UTP14A: variants seen among roughly 807,000 people sequenced by gnomAD.
UTP14A encodes the protein U3 small nucleolar RNA-associated protein 14 homolog A.
A neutral mutation model predicts 57.2 loss-of-function variants in UTP14A; 5 were observed. That is an observed-to-expected ratio of 0.09 (90% confidence interval 0.05 to 0.18). UTP14A has a LOEUF of 0.18. Ranked by LOEUF, UTP14A falls within the 10% of genes least tolerant of loss-of-function variation. UTP14A has a pLI of 1.00. For missense variants in UTP14A, 430 were observed against 562.1 expected, an observed-to-expected ratio of 0.76 and a Z score of 2.38; for synonymous variants, 169 against 210.9, an observed-to-expected ratio of 0.80 and a Z score of 1.72.
rs183364516 is a variant in UTP14A, at chrX:129,920,283, A to C, written c.753-174A>C. Among the ~76,000 whole-genome samples, 4 of 111,841 alleles carry C rather than the reference A, an allele frequency of 3.6e-5. No homozygotes were observed. The East Asian group carries it at 1.1e-3, about 31-fold the overall frequency. On this transcript the variant is annotated intron_variant, in intron 8 of 14. Coordinates refer to ENST00000394422, the MANE Select transcript of UTP14A (RefSeq NM_006649.4). ...GAGGTCCACCCTGAGGACTGTGGGT[A>C]CCAAGAATCTTGCCAGTCCTGTCAG...
intron 1 of UTP14A, among the ~76,000 whole-genome samples, chrX:129,907,095 C>A (rs1016297049): frequency 2.8e-5 from 3 of 108,909 alleles, no homozygotes; most frequent in Non-Finnish European, 5.7e-5. Context: ...AGTCAGGCAT[C>A]ACTCTTGGAG....
rs1269920175 is a variant in UTP14A, at chrX:129,911,778, G to T, written c.394G>T (p.Val132Leu). Residue 132 changes from valine to leucine, a missense_variant, in exon 6 of 15, where the codon GTA (valine) becomes TTA (leucine). Around this residue, in one of 4 missense-constraint regions of UTP14A, gnomAD observed 145 missense variants for 153.5 expected, o/e 0.94. Coordinates refer to ENST00000394422, the MANE Select transcript of UTP14A (RefSeq NM_006649.4). ...KEEIERIHREVAFNKTAQVLS... is the reference protein window; with the variant it reads ...KEEIERIHRELAFNKTAQVLS... ...TTGCCTGCTTCAGATCCACAGAGAA[G>T]TAGCATTCAATAAAACCGCACAAGT... is the stretch of plus-strand genomic sequence containing the variant. 1 of 1,211,092 alleles carries T rather than the reference G, an allele frequency of 8.3e-7. No individual in the cohort carries two copies. The highest frequency in any genetic ancestry group is 2.2e-5 in the Admixed American group (1 of 45,902).
At chrX:129,920,639 TA>T (rs1201851093) in intron 9 of UTP14A, 35 bp from the exon 10 acceptor site, 8 of 927,749 alleles carry the variant, frequency 8.6e-6, no homozygotes, top group Non-Finnish European at 1.2e-5. Flanking sequence ...TGGAAGGCAC[TA>T]AAGATGTAAA....
intron 14 of UTP14A, among the ~76,000 whole-genome samples, 154 bp from the exon 15 acceptor site, chrX:129,929,182 G>A (rs1930224925): frequency 9.0e-6 from 1 of 111,641 alleles, no homozygotes; most frequent in African/African-American, 3.3e-5. Flanking sequence ...GCAGATGGGA[G>A]CAATGGGACG....
intron 12 of UTP14A, 89 bp from the exon 13 acceptor site, chrX:129,925,830 G>A (rs1930084177): frequency 2.7e-6 from 3 of 1,101,611 alleles, no homozygotes; most frequent in Non-Finnish European, 2.5e-6. Flanking sequence ...CCTAGGGGGC[G>A]CTAAAATGTC....
chrX:129,921,992 A>G (rs780091141), intron 11 of UTP14A: 1 of 125,109 alleles, frequency 8.0e-6, no homozygotes, highest in East Asian at 2.4e-4. Context: ...CAATTTTGAG[A>G]CATTAGGAAA....
rs752994184 is a variant in UTP14A at position 129,921,502 on chromosome X, G to C, written c.1263G>C (p.Leu421Phe). The change falls in exon 11 of 15, where the codon TTG becomes TTC. Residue 421 changes from leucine (L) to phenylalanine (F), a missense_variant. Around this residue, in one of 4 missense-constraint regions of UTP14A, gnomAD observed 120 missense variants for 116.8 expected, o/e 1.03. Coordinates refer to ENST00000394422, the MANE Select transcript of UTP14A (RefSeq NM_006649.4). ...CAGTGGCAGAAGAAGAAATTTTGTT[G>C]AGAGAATTTGAGGAAAGGCGATCCC... ...ERPVAEEEIL[L>F]REFEERRSLR... 10 of 1,209,592 alleles carry C rather than the reference G, an allele frequency of 8.3e-6. No homozygotes were observed. The African/African-American group carries it at 1.8e-4, about 21-fold the overall frequency.
intron 2 of UTP14A, 142 bp from the exon 3 acceptor site, chrX:129,907,918 T>TGCACTCCATCCTGGGCA: frequency 1.9e-6 from 1 of 525,252 alleles, no homozygotes; most frequent in Non-Finnish European, 3.2e-6. Flanking sequence ...ATAACACCAC[T>TGCACTCCATCCTGGGCA]GCACTCCATC....
At chrX:129,921,638 T>C in intron 11 of UTP14A, 51 bp downstream of exon 11, 1 of 1,136,030 alleles carries the variant, frequency 8.8e-7, no homozygotes, top group Admixed American at 3.0e-5. Context: ...GTGGACAGAC[T>C]ATGGGAGAAA....
chrX:129,907,536 G>A, intron 2 of UTP14A, 94 bp downstream of exon 2: 1 of 774,574 alleles, frequency 1.3e-6, no homozygotes, highest in South Asian at 2.8e-5. Flanking sequence ...ATTTGTTCAG[G>A]TCTCTCAAAT....
chrX:129,924,510 C>T (rs1477511365), intron 11 of UTP14A, among the ~76,000 whole-genome samples: 2 of 109,209 alleles, frequency 1.8e-5, no homozygotes, highest in Admixed American at 9.8e-5. Flanking sequence ...TGGTCTCGAT[C>T]TCCTGACCTC....
chrX:129,928,429 G>A (rs1433600215), intron 14 of UTP14A, among the ~76,000 whole-genome samples: 3 of 100,353 alleles, frequency 3.0e-5, no homozygotes, highest in African/African-American at 3.7e-5. Context: ...TAAGTGTAAC[G>A]GCCTGGTAGA....
rs773809472 is a variant in UTP14A at position 129,920,771 on chromosome X, G to T, written c.954+19G>T. The T allele has an allele frequency of 5.8e-6, 7 of 1,209,850 alleles. No individual in the cohort carries two copies. In the East Asian group the frequency reaches 2.1e-4, roughly 36 times the overall value. The stretch of plus-strand genomic sequence containing the variant: ...CCTGGAGGTAAGAGACCCTTGGGGT[G>T]AGAGAAGATCTGGAATTGGAGGATG... On this transcript the variant is annotated intron_variant, in intron 10 of 14. Coordinates refer to ENST00000394422, the MANE Select transcript of UTP14A (RefSeq NM_006649.4).
At chrX:129,907,947 C>T (rs975913378) in intron 2 of UTP14A, 113 bp from the exon 3 acceptor site, 13 of 671,197 alleles carry the variant, frequency 1.9e-5, no homozygotes, top group African/African-American at 4.5e-5. Context: ...CAGAGCGAGA[C>T]GCCGTCTCAA....
At chrX:129,909,792 C>G (rs1433583991) in intron 4 of UTP14A, among the ~76,000 whole-genome samples, 1 of 111,946 alleles carries the variant, frequency 8.9e-6, no homozygotes, top group Non-Finnish European at 1.9e-5. Flanking sequence ...TCACCCTGTT[C>G]ACAACTTAGG....
rs762926058 is a variant in UTP14A at position 129,907,429 on chromosome X, A to C, written c.89A>C (p.Glu30Ala). 8.3e-7 allele frequency: 1 copy of C among 1,207,246 alleles called. No homozygotes were observed. Among genetic ancestry groups the C allele is most frequent in the Non-Finnish European group, 1.1e-6 (1 of 894,211 alleles). The change falls in exon 2 of 15, where the codon GAG becomes GCG. Residue 30 changes from glutamate (E) to alanine (A), a missense_variant. Physicochemically the swap from Glu to Ala is moderately radical, Grantham distance 107 (BLOSUM62 -1). This residue lies in a region of UTP14A where 145 missense variants were observed against 153.5 expected (regional missense o/e 0.94). Transcript: ENST00000394422. ...TTGCCAAAAGACTACCTCTTGAGTG[A>C]GAGTGAAGATGAGGTGGGTGACAAT... ...ADLPKDYLLS[E>A]SEDEGDNDGE... is the part of the protein sequence containing the mutation.
chrX:129,906,342 C>T, intron 1 of UTP14A, 106 bp downstream of exon 1: 2 of 776,112 alleles, frequency 2.6e-6, no homozygotes, highest in Non-Finnish European at 3.8e-6. Context: ...AGTGGTTCCC[C>T]TGAAGAGCTG....
intron 14 of UTP14A, among the ~76,000 whole-genome samples, chrX:129,927,282 A>G (rs1233520804): frequency 9.0e-6 from 1 of 111,374 alleles, no homozygotes; most frequent in Non-Finnish European, 1.9e-5. Context: ...AGTAGAATAA[A>G]GTGCTTCAAG....
intron 12 of UTP14A, 51 bp from the exon 13 acceptor site, chrX:129,925,868 A>G (rs1483150312): frequency 1.0e-5 from 12 of 1,190,942 alleles, no homozygotes; most frequent in Middle Eastern, 3.2e-4. Context: ...CGTTCTCGCC[A>G]TGAACCACAG....
Sources: allele counts gnomAD v4.1 joint callset (sites outside exome capture counted in the v4.1 genomes callset), GRCh38; gene constraint gnomAD v4.1.1; regional missense constraint gnomAD v4.1.1; transcripts MANE v1.5; gene names NCBI Gene and HGNC (gene_info 2026-07-23, HGNC 2026-07-21).